Variants in ARIH1 observed in about 807,000 individuals in gnomAD.
ARIH1 encodes the protein E3 ubiquitin-protein ligase ARIH1.
ARIH1 carries 8 observed loss-of-function variants against 85.0 expected under a neutral mutation model. That is an observed-to-expected ratio of 0.09 (90% CI 0.06 to 0.17). The LOEUF (loss-of-function observed/expected upper bound fraction) is 0.17, where lower values mean the gene tolerates loss of function less well. Ranked by LOEUF, ARIH1 falls within the 10% of genes least tolerant of loss-of-function variation. The pLI is 1.00. For synonymous variants in ARIH1, 238 were observed against 253.6 expected (o/e 0.94, Z 0.59); for missense variants, 311 against 718.1 (o/e 0.43, Z 6.48).
At chr15:72,489,075 C>CA (rs201550464) in intron 1 of ARIH1, among the ~76,000 whole-genome samples, 18 of 151,150 alleles carry the variant, frequency 1.2e-4, no homozygotes, top group Admixed American at 2.6e-4. Flanking sequence ...TTTTTCTCTA[C>CA]AAAAAAAATA....
In ARIH1 at chr15:72,597,410, T is replaced by C. The variant is rs573919873; in HGVS notation, c.*14118T>C. On this transcript the variant is annotated 3_prime_UTR_variant, in exon 14 of 14. Transcript: ENST00000379887. ...ATCAATGTGGGAGATCTTTCCCTAC[T>C]TTACAACCTTGCTGCCAGGATTTTT... 2 of 152,294 alleles carry C rather than the reference T, an allele frequency of 1.3e-5. No individual in the cohort carries two copies. The highest frequency in any genetic ancestry group is 6.5e-5 in the Admixed American group (1 of 15,296). The allele number at this position is 152,294 out of a possible 1,614,324, so 9.4% of individuals were successfully genotyped here.
chr15:72,476,767 T>C (rs2063796638), intron 1 of ARIH1, among the ~76,000 whole-genome samples: 1 of 152,206 alleles, frequency 6.6e-6, no homozygotes, highest in Non-Finnish European at 1.5e-5. Flanking sequence ...ACTGTAGTTA[T>C]TTTTCTAGAC....
At chr15:72,503,887 G>A (rs955071993) in intron 1 of ARIH1, among the ~76,000 whole-genome samples, 2 of 152,160 alleles carry the variant, frequency 1.3e-5, no homozygotes, top group African/African-American at 4.8e-5. Context: ...TGGCACCCAG[G>A]TTGGGGTGCC....
At position 72,580,748 on chromosome 15, in the gene ARIH1, G is replaced by A. The variant is rs1489420897; in HGVS notation, c.1233G>A (p.Leu411=). 6.8e-6 allele frequency: 11 copies of A among 1,613,648 alleles called. No homozygotes were observed. Among genetic ancestry groups the A allele is most frequent in the Non-Finnish European group, 9.3e-6 (11 of 1,179,624 alleles). Residue 411 remains leucine, a synonymous_variant, in exon 12 of 14, where the codon CTG becomes CTA. Transcript: ENST00000379887. ...RDAQERSRAA[L]QRYLFYCNRY... is the part of the protein sequence containing the mutation. ...TGGGACAGCGATCTAGGGCAGCCCTGCAGAGGTACCTGTTCTACTGTAATC... is the reference window on the plus strand; with the variant it reads ...TGGGACAGCGATCTAGGGCAGCCCTACAGAGGTACCTGTTCTACTGTAATC...
At chr15:72,550,363 C>T (rs1158799472) in intron 3 of ARIH1, among the ~76,000 whole-genome samples, 1 of 151,936 alleles carries the variant, frequency 6.6e-6, no homozygotes, top group South Asian at 2.1e-4. Flanking sequence ...CCATTGTGAC[C>T]GTTGATCTCT....
intron 11 of ARIH1, among the ~76,000 whole-genome samples, chr15:72,577,415 G>A (rs1474055017): frequency 6.6e-6 from 1 of 152,102 alleles, no homozygotes; most frequent in Admixed American, 6.5e-5. Flanking sequence ...GCTCACGCCT[G>A]TAATCTCAGC....
intron 11 of ARIH1, among the ~76,000 whole-genome samples, chr15:72,574,852 T>C (rs2064262833): frequency 6.6e-6 from 1 of 151,952 alleles, no homozygotes; most frequent in Admixed American, 6.6e-5. Flanking sequence ...CAAGGATCAC[T>C]TGAGGCCAGG....
intron 3 of ARIH1, among the ~76,000 whole-genome samples, chr15:72,551,558 T>A (rs1354504647): frequency 6.6e-6 from 1 of 152,182 alleles, no homozygotes; most frequent in African/African-American, 2.4e-5. Context: ...ATACATGGTG[T>A]TAGAGCAACT....
At chr15:72,553,182 T>A (rs957025889) in intron 3 of ARIH1, among the ~76,000 whole-genome samples, 5 of 152,162 alleles carry the variant, frequency 3.3e-5, no homozygotes, top group African/African-American at 1.2e-4. Flanking sequence ...AGAGGTAAAT[T>A]ATGGCAAAAT....
At chr15:72,531,438 T>C (rs949273703) in intron 2 of ARIH1, among the ~76,000 whole-genome samples, 1 of 152,146 alleles carries the variant, frequency 6.6e-6, no homozygotes, top group Non-Finnish European at 1.5e-5. Context: ...TGGTTAACTT[T>C]AGTATTTTTA....
intron 5 of ARIH1, among the ~76,000 whole-genome samples, chr15:72,557,931 A>G (rs2064181786): frequency 6.6e-6 from 1 of 152,232 alleles, no homozygotes; most frequent in Non-Finnish European, 1.5e-5. Context: ...TGTCAGCTCT[A>G]GGAGCCTTTT....
intron 1 of ARIH1, among the ~76,000 whole-genome samples, chr15:72,500,977 G>A (rs950424973): frequency 1.3e-5 from 2 of 152,008 alleles, no homozygotes; most frequent in Admixed American, 6.5e-5. Context: ...TTAAAATATC[G>A]TCAGGAAGTT....
intron 10 of ARIH1, among the ~76,000 whole-genome samples, chr15:72,571,888 G>T (rs1324197314): frequency 6.6e-6 from 1 of 152,106 alleles, no homozygotes; most frequent in East Asian, 1.9e-4. Context: ...ATTATAGAGA[G>T]AATTCAAACA....
At chr15:72,561,587 T>C (rs1202400531) in intron 6 of ARIH1, 38 bp downstream of exon 6, 1 of 1,185,234 alleles carries the variant, frequency 8.4e-7, no homozygotes, top group Admixed American at 2.3e-5. Context: ...GAAGGAATTC[T>C]GTTTATTAAT....
At chr15:72,564,020 A>G (rs2064208434) in intron 7 of ARIH1, among the ~76,000 whole-genome samples, 1 of 152,158 alleles carries the variant, frequency 6.6e-6, no homozygotes, top group Non-Finnish European at 1.5e-5. Context: ...CCAGTGCCAC[A>G]TATTAGGGGA....
chr15:72,522,725 T>TGG (rs35198990), intron 2 of ARIH1, among the ~76,000 whole-genome samples: 117,495 of 152,070 alleles, frequency 0.77, 51,589 homozygotes, highest in Non-Finnish European at 0.96. Context: ...AGCTACAGAC[T>TGG]GAGAAGATAT....
At chr15:72,532,228 C>T (rs1217683551) in intron 2 of ARIH1, among the ~76,000 whole-genome samples, 1 of 148,298 alleles carries the variant, frequency 6.7e-6, no homozygotes, top group East Asian at 2.0e-4. Context: ...AAAGAGAGAT[C>T]CTAAATAACC....
chr15:72,570,448 A>G (rs900930232), intron 10 of ARIH1, 141 bp downstream of exon 10: 69 of 1,060,636 alleles, frequency 6.5e-5, no homozygotes, highest in Non-Finnish European at 8.4e-5. Flanking sequence ...TTATAAGTCT[A>G]TGCAAGACAT....
chr15:72,552,049 G>T (rs936972493), intron 3 of ARIH1, among the ~76,000 whole-genome samples: 18 of 152,096 alleles, frequency 1.2e-4, no homozygotes, highest in African/African-American at 4.1e-4. Context: ...TTGCAGGGGA[G>T]CCTGATGATA....
Sources: allele counts gnomAD v4.1 joint callset (sites outside exome capture counted in the v4.1 genomes callset), GRCh38; gene constraint gnomAD v4.1.1; transcripts MANE v1.5; gene names NCBI Gene and HGNC (gene_info 2026-07-23, HGNC 2026-07-21).